Variants in NFATC1 observed in about 807,000 individuals in gnomAD.
NFATC1 encodes the protein nuclear factor of activated T cells 1.
A neutral mutation model predicts 76.0 loss-of-function variants in NFATC1; 22 were observed. That is an observed-to-expected ratio of 0.29 (90% confidence interval 0.21 to 0.41). The LOEUF (loss-of-function observed/expected upper bound fraction) is 0.41. Ranked by LOEUF, NFATC1 falls within the 10% of genes least tolerant of loss-of-function variation. The pLI is 1.00. For synonymous variants in NFATC1, 704 were observed against 613.1 expected (o/e 1.15, Z -2.19); for missense variants, 1,357 against 1,337.7 (o/e 1.01, Z -0.23).
chr18:79,428,135 G>A (rs936341226), intron 2 of NFATC1, among the ~76,000 whole-genome samples: 32 of 152,070 alleles, frequency 2.1e-4, no homozygotes, highest in African/African-American at 7.7e-4. Context: ...TCTGGCTTCT[G>A]TGCGGTGCGG....
At chr18:79,501,870 A>G (rs1239001247) in intron 9 of NFATC1, among the ~76,000 whole-genome samples, 1 of 152,140 alleles carries the variant, frequency 6.6e-6, no homozygotes, top group Non-Finnish European at 1.5e-5. Flanking sequence ...GATCTAAATA[A>G]ATGGGAGAAC....
chr18:79,521,101 C>G (rs1601001755), intron 9 of NFATC1, among the ~76,000 whole-genome samples: 2 of 72,852 alleles, frequency 2.7e-5, no homozygotes, highest in Non-Finnish European at 5.0e-5. Context: ...ATGTGTGTGT[C>G]TGTGTGTGTG....
chr18:79,489,159 G>C (rs977069833), intron 9 of NFATC1, among the ~76,000 whole-genome samples: 6 of 152,254 alleles, frequency 3.9e-5, no homozygotes, highest in Non-Finnish European at 8.8e-5. Context: ...GCCTTGCCTT[G>C]GGGCCTGGTG....
intron 1 of NFATC1, among the ~76,000 whole-genome samples, chr18:79,409,102 CATCCATCCATCA>C: frequency 1.1e-5 from 1 of 94,496 alleles, no homozygotes; most frequent in South Asian, 5.9e-4. Context: ...CATCATCATC[CATCCATCCATCA>C]AACCATTATT....
At position 79,451,026 on chromosome 18, in the gene NFATC1, G is replaced by A; in HGVS notation, c.1662G>A (p.Gly554=). ...TTCGGAAAGGAGAGACGGACATCGG[G>A]AGGAAGAACACACGGGTACGGCTGG... The part of the protein sequence containing the change: ...IELRKGETDI[G]RKNTRVRLVF... Residue 554 remains glycine, a synonymous_variant, in exon 5 of 10, where the codon GGG becomes GGA. Transcript: ENST00000427363. 1.9e-6 allele frequency: 3 copies of A among 1,613,894 alleles called. No individual in the cohort carries two copies. The highest frequency in any genetic ancestry group is 2.5e-6 in the Non-Finnish European group (3 of 1,180,018).
chr18:79,458,671 C>T (rs1427619396), intron 6 of NFATC1, among the ~76,000 whole-genome samples: 1 of 152,256 alleles, frequency 6.6e-6, no homozygotes, highest in African/African-American at 2.4e-5. Context: ...TAAGGCTGAA[C>T]ACAAAGGCCC....
chr18:79,401,555 T>G (rs1197852725), intron 1 of NFATC1, among the ~76,000 whole-genome samples: 2 of 152,350 alleles, frequency 1.3e-5, no homozygotes, highest in Middle Eastern at 3.4e-3. Context: ...CCGGGCTGCC[T>G]GTGGCCCTGG....
At chr18:79,472,630 C>T (rs1473434413) in intron 8 of NFATC1, among the ~76,000 whole-genome samples, 1 of 152,208 alleles carries the variant, frequency 6.6e-6, no homozygotes, top group Admixed American at 6.5e-5. Flanking sequence ...CCTGTGGCCT[C>T]TTCCCCTCCC....
chr18:79,422,324 A>G (rs1330216859), intron 2 of NFATC1: 1 of 152,300 alleles, frequency 6.6e-6, no homozygotes, highest in Non-Finnish European at 1.5e-5. Flanking sequence ...CCCCACTGCC[A>G]AAACTTCCTG....
intron 8 of NFATC1, 167 bp downstream of exon 8, chr18:79,467,749 A>G (rs1168689921): frequency 9.6e-7 from 1 of 1,037,720 alleles, no homozygotes; most frequent in Middle Eastern, 4.4e-4. Context: ...AGGAAAGGAA[A>G]AGGGAAGCTT....
rs533216946 is a variant in NFATC1, at chr18:79,528,848, T to A, written c.*1271T>A. On this transcript the variant is annotated 3_prime_UTR_variant, in exon 10 of 10. Transcript: ENST00000427363. ...GCACTCTGTACAATTAGTTGCTTATTACGTATGATTACTCACAGCGATCTA... is the reference window on the plus strand; with the variant it reads ...GCACTCTGTACAATTAGTTGCTTATAACGTATGATTACTCACAGCGATCTA... 2.0e-5 allele frequency: 3 copies of A among 152,712 alleles called. No homozygotes were observed. Among genetic ancestry groups the A allele is most frequent in the African/African-American group, 7.2e-5 (3 of 41,576 alleles). 9.5% of individuals were successfully genotyped at this position (152,712 alleles called of 1,614,324 possible). A position where few individuals can be genotyped will look rare whatever the true frequency, so the allele number is the denominator to read the frequency against.
chr18:79,438,716 A>G (rs1470228331), intron 3 of NFATC1, among the ~76,000 whole-genome samples: 1 of 152,176 alleles, frequency 6.6e-6, no homozygotes, highest in East Asian at 1.9e-4. Flanking sequence ...CGCGCGGGTG[A>G]GAGGGGCGGG....
At chr18:79,521,718 T>C (rs1408750474) in intron 9 of NFATC1, among the ~76,000 whole-genome samples, 4 of 68,014 alleles carry the variant, frequency 5.9e-5, no homozygotes, top group African/African-American at 2.5e-4. Flanking sequence ...TCCACTGATG[T>C]GTGTGTCTGT....
chr18:79,416,948 G>T (rs552210108), intron 2 of NFATC1, among the ~76,000 whole-genome samples: 20 of 152,198 alleles, frequency 1.3e-4, no homozygotes, highest in African/African-American at 4.8e-4. Flanking sequence ...TGGGTACTGG[G>T]CTGGGCTGGC....
intron 4 of NFATC1, among the ~76,000 whole-genome samples, chr18:79,449,280 T>C (rs1400480911): frequency 6.6e-6 from 1 of 152,166 alleles, no homozygotes; most frequent in East Asian, 1.9e-4. Context: ...AATACAGCAG[T>C]GTAATGAGAG....
intron 2 of NFATC1, 81 bp from the exon 3 acceptor site, chr18:79,433,498 G>A: frequency 6.5e-7 from 1 of 1,544,116 alleles, no homozygotes; most frequent in Middle Eastern, 2.3e-4. Flanking sequence ...ACCCAAGATG[G>A]CGACGGGTGA....
Position 79,514,826 on chromosome 18 carries a change from A to T in NFATC1, c.2783-12702A>T, listed in dbSNP as rs376391239. Among the ~76,000 whole-genome samples the T allele has an allele frequency of 4.6e-5, 7 of 151,826 alleles. No homozygotes were observed. The East Asian group carries it at 9.7e-4, about 21-fold the overall frequency. On this transcript the variant is annotated intron_variant, in intron 9 of 9. Transcript: ENST00000427363. Reference sequence around the variant, plus strand: ...GTTGGGAGGCTGAGGCAAGAGGATCACTTGAGCCCAGGAGTTGGAGACCAG... The same window carrying T: ...GTTGGGAGGCTGAGGCAAGAGGATCTCTTGAGCCCAGGAGTTGGAGACCAG...
At chr18:79,441,146 C>T (rs1213169827) in intron 3 of NFATC1, among the ~76,000 whole-genome samples, 2 of 152,210 alleles carry the variant, frequency 1.3e-5, no homozygotes, top group African/African-American at 2.4e-5. Context: ...CCCTGCGAGG[C>T]TCCCTGAGGC....
chr18:79,454,047 C>T (rs142519312), intron 6 of NFATC1, among the ~76,000 whole-genome samples: 337 of 152,302 alleles, frequency 2.2e-3, no homozygotes, highest in Non-Finnish European at 3.2e-3. Context: ...CTGATGGGAT[C>T]GTCTGGTCTG....
Sources: allele counts gnomAD v4.1 joint callset (sites outside exome capture counted in the v4.1 genomes callset), GRCh38; gene constraint gnomAD v4.1.1; transcripts MANE v1.5; gene names NCBI Gene and HGNC (gene_info 2026-07-23, HGNC 2026-07-21).